Variants in PASD1 observed in about 807,000 individuals in gnomAD.
The protein encoded by PASD1 is PAS domain containing repressor 1.
PASD1 carries 13 observed loss-of-function variants against 58.8 expected under a neutral mutation model. The observed-to-expected ratio is 0.22, with a 90% confidence interval of 0.14 to 0.35. The LOEUF is 0.35. Among genes scored for constraint, PASD1 ranks in the 10% least tolerant of loss-of-function variants. The probability of loss-of-function intolerance (pLI) is 1.00; values close to 1 mark genes in which losing one functional copy is unlikely to be tolerated. For synonymous variants in PASD1, 236 were observed against 216.7 expected (o/e 1.09, Z -0.78); for missense variants, 734 against 568.3 (o/e 1.29, Z -2.96).
Position 151,621,010 on chromosome X carries a change from A to G in PASD1, c.288A>G (p.Lys96=). ...KDEVYQKIIL[K]FPLLNSETHI... ...AAGTCTACCAAAAGATTATTCTCAA[A>G]TTTCCTTTACTAAACTCAGGTATGT... The change falls in exon 5 of 16, where the codon AAA becomes AAG. Residue 96 remains lysine, a synonymous_variant. Coordinates refer to ENST00000370357, the MANE Select transcript of PASD1 (RefSeq NM_173493.3). 5 of 1,196,524 alleles carry G rather than the reference A, an allele frequency of 4.2e-6. No individual in the cohort carries two copies. The highest frequency in any genetic ancestry group is 5.7e-6 in the Non-Finnish European group (5 of 884,093).
chrX:151,611,792 G>A, intron 4 of PASD1, 39 bp downstream of exon 4: 2 of 1,043,792 alleles, frequency 1.9e-6, no homozygotes, highest in Non-Finnish European at 2.6e-6. Context: ...GATCATTCTG[G>A]TTTGTTGTTT....
chrX:151,582,883 G>A (rs1327430960), intron 1 of PASD1, among the ~76,000 whole-genome samples: 3 of 111,725 alleles, frequency 2.7e-5, no homozygotes, highest in African/African-American at 9.8e-5. Context: ...GCATAGTTAT[G>A]ATTTTTTGTG....
intron 15 of PASD1, 131 bp downstream of exon 15, chrX:151,674,317 G>C (rs769436627): frequency 1.1e-6 from 1 of 880,926 alleles, no homozygotes; most frequent in Non-Finnish European, 1.6e-6. Flanking sequence ...TACATTTGAC[G>C]GCAGTTAGTC....
At chrX:151,655,907 T>G (rs1206002914) in intron 9 of PASD1, among the ~76,000 whole-genome samples, 1 of 112,199 alleles carries the variant, frequency 8.9e-6, no homozygotes, top group Non-Finnish European at 1.9e-5. Flanking sequence ...GCTTTTGGTG[T>G]TTTAGACATG....
chrX:151,665,203 C>T (rs928213524), intron 11 of PASD1, among the ~76,000 whole-genome samples: 27 of 111,900 alleles, frequency 2.4e-4, no homozygotes, highest in Admixed American at 2.3e-3. Flanking sequence ...TCTTGCCTTG[C>T]GGGGATTTGC....
intron 1 of PASD1, 34 bp from the exon 2 acceptor site, chrX:151,601,493 C>G (rs1358177599): frequency 6.4e-6 from 7 of 1,089,125 alleles, no homozygotes; most frequent in Non-Finnish European, 8.9e-6. Context: ...ATAGACTGAT[C>G]TCTTAGTAAA....
intron 1 of PASD1, among the ~76,000 whole-genome samples, chrX:151,576,353 A>G (rs2013005791): frequency 8.9e-6 from 1 of 112,020 alleles, no homozygotes; most frequent in African/African-American, 3.2e-5. Flanking sequence ...AATTCATACA[A>G]TGCTCAGTCA....
rs768006154 is a variant in PASD1, at chrX:151,606,736, C to T, written c.117+2002C>T. ...GGGTCCAGACTAACTCAGAGCAAAC[C>T]GTCTCAGTAGAGAATGTGGTAATCA... On this transcript the variant is annotated intron_variant, in intron 3 of 15. Coordinates refer to ENST00000370357, the MANE Select transcript of PASD1 (RefSeq NM_173493.3). Among the ~76,000 whole-genome samples the T allele has an allele frequency of 4.5e-5, 5 of 110,082 alleles. No individual in the cohort carries two copies. In the East Asian group the frequency reaches 8.7e-4, roughly 19 times the overall value.
intron 9 of PASD1, among the ~76,000 whole-genome samples, chrX:151,655,610 G>A (rs369956542): frequency 1.8e-5 from 2 of 112,039 alleles, no homozygotes; most frequent in African/African-American, 6.5e-5. Flanking sequence ...GCCAGTGATG[G>A]TGTGCATTTT....
intron 8 of PASD1, among the ~76,000 whole-genome samples, chrX:151,638,449 AAAAG>A (rs2013959031): frequency 1.8e-5 from 2 of 110,480 alleles, no homozygotes; most frequent in Admixed American, 9.7e-5. Context: ...AAAAAAAAAA[AAAAG>A]AAAAGAAAAC....
chrX:151,602,709 T>TAAG (rs1394286580), intron 2 of PASD1, among the ~76,000 whole-genome samples: 7 of 86,066 alleles, frequency 8.1e-5, no homozygotes, highest in African/African-American at 2.9e-4. Flanking sequence ...ATAATAATAA[T>TAAG]AATAAGAAGA....
intron 1 of PASD1, among the ~76,000 whole-genome samples, chrX:151,596,357 G>A (rs1401735657): frequency 3.6e-5 from 4 of 111,586 alleles, no homozygotes; most frequent in African/African-American, 1.3e-4. Flanking sequence ...TAACAACCCA[G>A]TCTCTCAGAA....
chrX:151,604,883 C>A, intron 3 of PASD1, 149 bp downstream of exon 3: 1 of 464,474 alleles, frequency 2.2e-6, no homozygotes, highest in Non-Finnish European at 3.6e-6. Context: ...GAATCAGACT[C>A]TCAAACCTGT....
At chrX:151,651,245 C>T (rs990539825) in intron 9 of PASD1, among the ~76,000 whole-genome samples, 1 of 111,927 alleles carries the variant, frequency 8.9e-6, no homozygotes, top group African/African-American at 3.3e-5. Flanking sequence ...TTGACTCTGT[C>T]CCAAATACTT....
Position 151,653,868 on chromosome X carries a change from C to T in PASD1, c.717+5166C>T, listed in dbSNP as rs867271077. On this transcript the variant is annotated intron_variant, in intron 9 of 15. Transcript: ENST00000370357. ...CTTCCCTCCCTCCCTCCCTCCCTCC[C>T]TCTTTCTTTCTTTCTTTCTTTCTTT... Among the ~76,000 whole-genome samples, 152 of 16,452 alleles carry T rather than the reference C, an allele frequency of 9.2e-3. 10 individuals carry two copies. Among genetic ancestry groups the T allele is most frequent in the African/African-American group, 0.03 (139 of 4,573 alleles). 14.3% of individuals were successfully genotyped at this position (16,452 alleles called of 115,157 possible).
intron 9 of PASD1, among the ~76,000 whole-genome samples, chrX:151,656,840 A>G (rs753749893): frequency 8.9e-6 from 1 of 111,760 alleles, no homozygotes; most frequent in Non-Finnish European, 1.9e-5. Context: ...CTAATTGAAT[A>G]CCATTTATTT....
chrX:151,649,741 A>C (rs973037534), intron 9 of PASD1, among the ~76,000 whole-genome samples: 33 of 111,849 alleles, frequency 3.0e-4, no homozygotes, highest in Non-Finnish European at 4.5e-4. Context: ...AGAACTCTTC[A>C]AATATTTGGT....
At chrX:151,600,993 C>A (rs1216010054) in intron 1 of PASD1, among the ~76,000 whole-genome samples, 1 of 112,317 alleles carries the variant, frequency 8.9e-6, no homozygotes, top group Non-Finnish European at 1.9e-5. Context: ...TAGCTCAAAG[C>A]AGAGGACTTC....
At chrX:151,623,994 T>C (rs1226048839) in intron 7 of PASD1, among the ~76,000 whole-genome samples, 1 of 111,595 alleles carries the variant, frequency 9.0e-6, no homozygotes, top group African/African-American at 3.3e-5. Context: ...TCAGTTTGGG[T>C]TTTATTTCAA....
Sources: gnomAD v4.1 joint callset for allele counts (sites outside exome capture counted in the v4.1 genomes callset) on GRCh38, gnomAD v4.1.1 for gene constraint, MANE v1.5 for transcripts, NCBI Gene and HGNC (gene_info 2026-07-23, HGNC 2026-07-21) for gene names.